GPR157: variants seen among roughly 807,000 people sequenced by gnomAD.
GPR157 encodes G-protein coupled receptor 157.
Under a neutral mutation model 23.5 loss-of-function variants are expected in GPR157, and 16 were observed. The observed-to-expected ratio is 0.68, with a 90% CI of 0.46 to 1.04. GPR157 has a LOEUF of 1.04. Among genes scored for constraint, GPR157 ranks in the 50% least tolerant of loss-of-function variants. The pLI is 0.00. For missense variants in GPR157, 440 were observed against 460.7 expected (o/e 0.96, Z 0.41); for synonymous variants, 200 against 221.5 (o/e 0.90, Z 0.86).
intron 2 of GPR157, among the ~76,000 whole-genome samples, chr1:9,106,277 C>T (rs753028061): frequency 1.3e-5 from 2 of 152,192 alleles, no homozygotes; most frequent in Non-Finnish European, 2.9e-5. Flanking sequence ...CAGGCCACGT[C>T]ACCACGTCTC....
At position 9,105,802 on chromosome 1, in the gene GPR157, G is replaced by A. The variant is rs868321085; in HGVS notation, c.598-122C>T. 2.6e-6 allele frequency: 2 copies of A among 771,880 alleles called. No homozygotes were observed. Among genetic ancestry groups the A allele is most frequent in the South Asian group, 1.8e-5 (1 of 55,068 alleles). 47.8% of individuals were successfully genotyped at this position (771,880 alleles called of 1,614,324 possible). A position where few individuals can be genotyped will look rare whatever the true frequency, so the allele number is the denominator to read the frequency against. On this transcript the variant is annotated intron_variant, in intron 2 of 3. Coordinates refer to ENST00000377411, the MANE Select transcript of GPR157 (RefSeq NM_024980.5). The surrounding 1 kb of genome is among the most constrained non-coding windows in gnomAD (Gnocchi z 4.8). ...CAGGGAGGTAGGGGAGATGTGTGGT[G>A]GAGCCCGGATCCTTCTCCTGAACCC...
chr1:9,111,370 A>G lies in GPR157; in HGVS notation c.503T>C (p.Leu168Pro), dbSNP rs151150958. ...WIDLEAKDHV[L>P]WMLLTGKLWE... ...CAGCTTCCCCGTCAGCAGCATCCAC[A>G]GGACATGGTCCTTGGCCTCCAGGTC... The change falls in exon 2 of 4, where the codon CTG becomes CCG. Residue 168 changes from leucine (L) to proline (P), a missense_variant. Coordinates refer to ENST00000377411, the MANE Select transcript of GPR157 (RefSeq NM_024980.5). 22 of 1,614,210 alleles carry G rather than the reference A, an allele frequency of 1.4e-5. No homozygotes were observed. Among genetic ancestry groups the G allele is most frequent in the Non-Finnish European group, 1.9e-5 (22 of 1,180,020 alleles).
rs577369838 is a variant in GPR157 at position 9,103,093 on chromosome 1, G to C, written c.*1326C>G. ...ACATCAGCTCCGGGCGACAGAATGAGGCTCCTTTTTTAAAAAAAAAAAAAA... is the reference window on the plus strand; with the variant it reads ...ACATCAGCTCCGGGCGACAGAATGACGCTCCTTTTTTAAAAAAAAAAAAAA... On this transcript the variant is annotated 3_prime_UTR_variant, in exon 4 of 4. Coordinates refer to ENST00000377411, the MANE Select transcript of GPR157 (RefSeq NM_024980.5). 30 of 87,892 alleles carry C rather than the reference G, an allele frequency of 3.4e-4. No individual in the cohort carries two copies. In the East Asian group the frequency reaches 8.8e-3, roughly 26 times the overall value. The allele number at this position is 87,892 out of a possible 1,614,324, so 5.4% of individuals were successfully genotyped here. A position where few individuals can be genotyped will look rare whatever the true frequency, so the allele number is the denominator to read the frequency against.
intron 1 of GPR157, among the ~76,000 whole-genome samples, chr1:9,116,317 A>AT (rs1491376148): frequency 9.3e-5 from 2 of 21,540 alleles, no homozygotes; most frequent in Admixed American, 1.1e-3. Flanking sequence ...TATTATATAT[A>AT]ATATATATAA....
At chr1:9,116,292 A>ATTATATGTAATAT (rs74196114) in intron 1 of GPR157, among the ~76,000 whole-genome samples, 1 of 6,836 alleles carries the variant, frequency 1.5e-4, no homozygotes, top group Non-Finnish European at 2.0e-4. Context: ...AATTATATAT[A>ATTATATGTAATAT]AATTATATAT....
rs146592935 is a variant in GPR157, at chr1:9,110,793, T to C, written c.597+483A>G. ...TGCCATTTAGGATATAATAAATCAC[T>C]AGGAAAAGTTAGGTGAGTTATTTGC... On this transcript the variant is annotated intron_variant, in intron 2 of 3. Coordinates refer to ENST00000377411, the MANE Select transcript of GPR157 (RefSeq NM_024980.5). Among the ~76,000 whole-genome samples the C allele has an allele frequency of 5.9e-5, 9 of 152,306 alleles. No individual in the cohort carries two copies. The East Asian group carries it at 1.7e-3, about 29-fold the overall frequency.
At chr1:9,106,261 C>T (rs544961405) in intron 2 of GPR157, among the ~76,000 whole-genome samples, 5 of 152,304 alleles carry the variant, frequency 3.3e-5, no homozygotes, top group East Asian at 1.9e-4. Context: ...CCACTGCCCC[C>T]GTGTCCAGGC....
rs1175338096 is a variant in GPR157, at chr1:9,103,099, T to G, written c.*1320A>C. On this transcript the variant is annotated 3_prime_UTR_variant, in exon 4 of 4. Coordinates refer to ENST00000377411, the MANE Select transcript of GPR157 (RefSeq NM_024980.5). The stretch of plus-strand genomic sequence containing the variant: ...GCTCCGGGCGACAGAATGAGGCTCC[T>G]TTTTTAAAAAAAAAAAAAAAAAAAA... The G allele has an allele frequency of 5.7e-5, 2 of 35,388 alleles. No individual in the cohort carries two copies. Among genetic ancestry groups the G allele is most frequent in the Non-Finnish European group, 1.3e-4 (2 of 15,828 alleles). 2.2% of individuals were successfully genotyped at this position (35,388 alleles called of 1,614,324 possible). A position where few individuals can be genotyped will look rare whatever the true frequency, so the allele number is the denominator to read the frequency against.
At chr1:9,110,238 T>C (rs1283108788) in intron 2 of GPR157, among the ~76,000 whole-genome samples, 13 of 152,198 alleles carry the variant, frequency 8.5e-5, no homozygotes, top group Admixed American at 7.9e-4. Flanking sequence ...ACATACTGAA[T>C]GAGGCCGGGC....
chr1:9,127,845 T>C (rs959539761), intron 1 of GPR157, among the ~76,000 whole-genome samples: 6 of 152,110 alleles, frequency 3.9e-5, no homozygotes, highest in Admixed American at 2.0e-4. Context: ...CTGCCCTCAG[T>C]TCAGCACAGC....
intron 1 of GPR157, among the ~76,000 whole-genome samples, chr1:9,123,659 A>AAATATATATTTAATATTAAATATATACTT (rs1569978171): frequency 9.2e-6 from 1 of 109,176 alleles, no homozygotes; most frequent in East Asian, 2.5e-4. Flanking sequence ...AATATATATT[A>AAATATATATTTAATATTAAATATATACTT]AATATATATT....
rs970068836 is a variant in GPR157, at chr1:9,118,281, A to C, written c.384-6792T>G. 7.2e-5 allele frequency among the ~76,000 whole-genome samples: 11 copies of C among 151,796 alleles called. No homozygotes were observed. Among genetic ancestry groups the C allele is most frequent in the Admixed American group, 4.6e-4 (7 of 15,236 alleles). On this transcript the variant is annotated intron_variant, in intron 1 of 3. Transcript: ENST00000377411. This position sits in a 1 kb window ranked among gnomAD's most constrained non-coding sequence, Gnocchi z 4.6. The stretch of plus-strand genomic sequence containing the variant: ...AGGCAGCTTCCACTGAGAGAAGGTG[A>C]GTGCTCATGTTCAGGGGGTGCCATG...
In GPR157 at chr1:9,105,034, AACACACAC is replaced by A. The variant is rs199973020; in HGVS notation, c.793-408_793-401del. 0.02 allele frequency among the ~76,000 whole-genome samples: 2,372 copies of A among 117,036 alleles called. 110 individuals are homozygous for A. In the East Asian group the frequency reaches 0.22, roughly 11 times the overall value. 76.8% of individuals were successfully genotyped at this position (117,036 alleles called of 152,430 possible). On this transcript the variant is annotated intron_variant, in intron 3 of 3. Coordinates refer to ENST00000377411, the MANE Select transcript of GPR157 (RefSeq NM_024980.5). The surrounding 1 kb of genome is among the most constrained non-coding windows in gnomAD (Gnocchi z 4.8). ...CCCCAAAAAAGAGAAATGGCTGAGA[AACACACAC>A]ACACACACACACACACACACACACA... is the stretch of plus-strand genomic sequence containing the variant.
chr1:9,114,302 C>A (rs996305780), intron 1 of GPR157, among the ~76,000 whole-genome samples: 1 of 121,736 alleles, frequency 8.2e-6, no homozygotes, highest in Non-Finnish European at 1.6e-5. Flanking sequence ...GAACTCCAGC[C>A]TGGGTGACGA....
At chr1:9,123,804 A>ATTATATATATTTAATATTATATATATT (rs1313188570) in intron 1 of GPR157, among the ~76,000 whole-genome samples, 3 of 126,092 alleles carry the variant, frequency 2.4e-5, no homozygotes, top group African/African-American at 9.0e-5. Context: ...TTATATATAT[A>ATTATATATATTTAATATTATATATATT]TAATATTAAA....
In GPR157 at chr1:9,104,594, A is replaced by G. The variant is rs146026400; in HGVS notation, c.833T>C (p.Met278Thr). The G allele has an allele frequency of 6.2e-7, 1 of 1,612,916 alleles. No individual in the cohort carries two copies. The highest frequency in any genetic ancestry group is 1.1e-5 in the South Asian group (1 of 90,910). The change falls in exon 4 of 4, where the codon ATG becomes ACG. Residue 278 changes from methionine (M) to threonine (T), a missense_variant. Physicochemically the swap from Met to Thr is moderately conservative, Grantham distance 81. Coordinates refer to ENST00000377411, the MANE Select transcript of GPR157 (RefSeq NM_024980.5). ...NTFQGGANCI[M>T]FVLCTRAVRT... ...GACGGCGCGGGTGCAGAGGACGAAC[A>G]TGATGCAGTTGGCACCTCCCTGAAA...
chr1:9,128,525 C>G lies in GPR157; in HGVS notation c.383+120G>C. On this transcript the variant is annotated intron_variant, in intron 1 of 3. Transcript: ENST00000377411. This position sits in a 1 kb window ranked among gnomAD's most constrained non-coding sequence, Gnocchi z 6.3. ...CCCAGGACAGCCTCGGGGGCGCCAGCAGGCACTGCTTGCTGTGGGTAGGGG... is the reference window on the plus strand; with the variant it reads ...CCCAGGACAGCCTCGGGGGCGCCAGGAGGCACTGCTTGCTGTGGGTAGGGG... 1 of 953,870 alleles carries G rather than the reference C, an allele frequency of 1.0e-6. No homozygotes were observed. Among genetic ancestry groups the G allele is most frequent in the Non-Finnish European group, 1.6e-6 (1 of 621,328 alleles). 59.1% of individuals were successfully genotyped at this position (953,870 alleles called of 1,614,324 possible). A position where few individuals can be genotyped will look rare whatever the true frequency, so the allele number is the denominator to read the frequency against.
chr1:9,111,537 C>T (rs1259716624), intron 1 of GPR157, 48 bp from the exon 2 acceptor site: 18 of 1,514,122 alleles, frequency 1.2e-5, no homozygotes, highest in African/African-American at 2.7e-5. Context: ...CCATGGCTCC[C>T]GGCAATGTCA....
At chr1:9,110,378 C>T (rs1008729860) in intron 2 of GPR157, among the ~76,000 whole-genome samples, 1 of 152,158 alleles carries the variant, frequency 6.6e-6, no homozygotes, top group African/African-American at 2.4e-5. Flanking sequence ...CAAAAATTAG[C>T]TGGGCGTGGC....
Sources: gnomAD v4.1 joint callset for allele counts (sites outside exome capture counted in the v4.1 genomes callset) on GRCh38, gnomAD v4.1.1 for gene constraint, Gnocchi (gnomAD v3.1) non-coding constraint, MANE v1.5 for transcripts, NCBI Gene and HGNC (gene_info 2026-07-23, HGNC 2026-07-21) for gene names.